Variants in TNS1 observed in about 807,000 individuals in gnomAD.
TNS1 encodes the protein tensin-1.
In TNS1, 62 loss-of-function variants were observed where a neutral mutation model predicts 168.6. That is an observed-to-expected ratio of 0.37 (90% CI 0.30 to 0.45). The LOEUF (loss-of-function observed/expected upper bound fraction) is 0.45. TNS1 is among the 20% of genes least tolerant of loss of function. The probability of loss-of-function intolerance (pLI) is 1.00; values close to 1 mark genes in which losing one functional copy is unlikely to be tolerated. For missense variants in TNS1, 2,240 were observed against 2,339.4 expected, an observed-to-expected ratio of 0.96 and a Z score of 0.88; for synonymous variants, 934 against 933.2, an observed-to-expected ratio of 1.00 and a Z score of -0.02.
At chr2:217,897,774 G>T (rs1021160159) in intron 8 of TNS1, 24 bp downstream of exon 8, 4 of 1,570,904 alleles carry the variant, frequency 2.5e-6, no homozygotes, top group African/African-American at 2.7e-5. Flanking sequence ...GCACAGGACA[G>T]TGGGCACGAG....
intron 24 of TNS1, among the ~76,000 whole-genome samples, chr2:217,816,012 T>C (rs1941837011): frequency 6.6e-6 from 1 of 152,146 alleles, no homozygotes; most frequent in South Asian, 2.1e-4. Flanking sequence ...CTGCAGACCT[T>C]GGGAATTTGT....
intron 18 of TNS1, among the ~76,000 whole-genome samples, chr2:217,857,719 G>A (rs568224011): frequency 2.0e-5 from 3 of 152,334 alleles, no homozygotes; most frequent in East Asian, 3.9e-4. Flanking sequence ...GATGGCCCAC[G>A]CCTGCAGGGC....
At chr2:217,908,503 C>T (rs1490402413) in intron 4 of TNS1, among the ~76,000 whole-genome samples, 1 of 152,174 alleles carries the variant, frequency 6.6e-6, no homozygotes, top group Non-Finnish European at 1.5e-5. Flanking sequence ...GCGCCTGCTC[C>T]AACCCCATCC....
At chr2:217,959,086 G>A (rs1449302952) in intron 3 of TNS1, among the ~76,000 whole-genome samples, 1 of 152,172 alleles carries the variant, frequency 6.6e-6, no homozygotes, top group African/African-American at 2.4e-5. Flanking sequence ...GGAGGGGGCT[G>A]TTGGGACATC....
chr2:217,811,608 C>T (rs977123536), intron 28 of TNS1, among the ~76,000 whole-genome samples: 15 of 152,296 alleles, frequency 9.8e-5, no homozygotes, highest in African/African-American at 2.4e-4. Context: ...CGTTCCGAGA[C>T]CTTGCACTGC....
At chr2:217,835,307 G>A (rs1945016450) in intron 20 of TNS1, 141 bp from the exon 21 acceptor site, 2 of 721,328 alleles carry the variant, frequency 2.8e-6, no homozygotes, top group Non-Finnish European at 4.5e-6. Flanking sequence ...GGTGCTCAGG[G>A]CAGGAGACAG....
intron 1 of TNS1, among the ~76,000 whole-genome samples, chr2:217,991,479 G>T (rs1050874132): frequency 6.6e-6 from 1 of 151,764 alleles, no homozygotes; most frequent in Non-Finnish European, 1.5e-5. Context: ...GTGTCCCCTC[G>T]CCCCAAGGTT....
chr2:217,947,212 G>A (rs1957132663), intron 3 of TNS1, among the ~76,000 whole-genome samples: 1 of 150,440 alleles, frequency 6.6e-6, no homozygotes, highest in African/African-American at 2.4e-5. Context: ...AGTTGCGGTT[G>A]GTCCCTTCAA....
At chr2:217,854,105 C>A (rs954205503) in intron 18 of TNS1, among the ~76,000 whole-genome samples, 1 of 152,196 alleles carries the variant, frequency 6.6e-6, no homozygotes, top group African/African-American at 2.4e-5. Context: ...GGCCAGGAAT[C>A]TGCATTTTTG....
intron 3 of TNS1, among the ~76,000 whole-genome samples, chr2:217,925,876 A>G (rs1043474411): frequency 1.3e-5 from 2 of 152,142 alleles, no homozygotes; most frequent in Non-Finnish European, 2.9e-5. Flanking sequence ...CTCCTATAAG[A>G]GTAATCATAT....
intron 2 of TNS1, among the ~76,000 whole-genome samples, chr2:217,988,356 GCTGGGGAAC>G (rs917747647): frequency 6.6e-6 from 1 of 152,230 alleles, no homozygotes; most frequent in African/African-American, 2.4e-5. Context: ...GGCCAGGTCA[GCTGGGGAAC>G]CTAGAGCCAT....
intron 18 of TNS1, among the ~76,000 whole-genome samples, chr2:217,876,845 A>C (rs933586035): frequency 1.3e-5 from 2 of 152,124 alleles, no homozygotes; most frequent in African/African-American, 2.4e-5. Flanking sequence ...GGAGAAACCA[A>C]CCCTGCTGAA....
intron 3 of TNS1, among the ~76,000 whole-genome samples, chr2:217,949,608 G>A (rs1957193890): frequency 6.6e-6 from 1 of 152,230 alleles, no homozygotes; most frequent in Non-Finnish European, 1.5e-5. Flanking sequence ...GCAAAGGGGT[G>A]TTGATGAATA....
At chr2:217,941,091 A>G (rs934161543) in intron 3 of TNS1, among the ~76,000 whole-genome samples, 1 of 152,174 alleles carries the variant, frequency 6.6e-6, no homozygotes, top group African/African-American at 2.4e-5. Context: ...AAATGTGGAA[A>G]CTGAGGCTCA....
At chr2:217,902,881 C>T (rs1229830904) in intron 6 of TNS1, among the ~76,000 whole-genome samples, 2 of 152,146 alleles carry the variant, frequency 1.3e-5, no homozygotes, top group Non-Finnish European at 2.9e-5. Flanking sequence ...TTTGGGGGCA[C>T]GTGACCCTTG....
At chr2:217,875,930 G>A (rs1950168789) in intron 18 of TNS1, among the ~76,000 whole-genome samples, 1 of 152,222 alleles carries the variant, frequency 6.6e-6, no homozygotes, top group African/African-American at 2.4e-5. Flanking sequence ...AACCAGGAGA[G>A]ATGCAGAAGT....
At chr2:217,927,442 G>C (rs748838423) in intron 3 of TNS1, among the ~76,000 whole-genome samples, 1 of 152,332 alleles carries the variant, frequency 6.6e-6, no homozygotes, top group East Asian at 1.9e-4. Flanking sequence ...GCACTGGGGA[G>C]CCAGTAAAGG....
intron 1 of TNS1, among the ~76,000 whole-genome samples, chr2:218,022,849 G>A (rs576288389): frequency 6.6e-6 from 1 of 152,180 alleles, no homozygotes; most frequent in African/African-American, 2.4e-5. Context: ...GAGAAAGCTG[G>A]GCCAGAAGTC....
At chr2:217,946,937 GCT>G (rs150249191) in intron 3 of TNS1, among the ~76,000 whole-genome samples, 3,495 of 130,386 alleles carry the variant, frequency 0.027, 119 homozygotes, top group East Asian at 0.19. Context: ...TTCCACCATC[GCT>G]CTCTCTCTCT....
Sources: gnomAD v4.1 joint callset for allele counts (sites outside exome capture counted in the v4.1 genomes callset) on GRCh38, gnomAD v4.1.1 for gene constraint, MANE v1.5 for transcripts, NCBI Gene and HGNC (gene_info 2026-07-23, HGNC 2026-07-21) for gene names.